Variants in PRKCB observed in about 807,000 individuals in gnomAD.
PRKCB encodes protein kinase C beta, also known as protein kinase C beta type.
Under a neutral mutation model 81.5 loss-of-function variants are expected in PRKCB, and 13 were observed. That is an observed-to-expected ratio of 0.16 (90% CI 0.10 to 0.25). The LOEUF (loss-of-function observed/expected upper bound fraction) is 0.25. Among genes scored for constraint, PRKCB ranks in the 10% least tolerant of loss-of-function variants. The pLI, the probability that PRKCB is intolerant of heterozygous loss-of-function variation, is 1.00. For synonymous variants in PRKCB, 335 were observed against 321.4 expected (o/e 1.04, Z -0.45); for missense variants, 509 against 875.7 (o/e 0.58, Z 5.29).
At chr16:23,985,509 A>G (rs1176349655) in intron 2 of PRKCB, among the ~76,000 whole-genome samples, 1 of 152,258 alleles carries the variant, frequency 6.6e-6, no homozygotes, top group African/African-American at 2.4e-5. Context: ...GAAAATGTGT[A>G]GGACTTATAT....
At chr16:24,129,654 C>T (rs1966850396) in intron 9 of PRKCB, among the ~76,000 whole-genome samples, 1 of 152,090 alleles carries the variant, frequency 6.6e-6, no homozygotes, top group South Asian at 2.1e-4. Flanking sequence ...TGTTTATCAT[C>T]TATCATCTAT....
intron 12 of PRKCB, 189 bp downstream of exon 12, chr16:24,174,769 G>A (rs1210563710): frequency 7.6e-6 from 4 of 522,900 alleles, no homozygotes; most frequent in Non-Finnish European, 1.4e-5. Context: ...GCTCTATATG[G>A]TGGTAGAAAA....
At chr16:24,145,675 GT>G (rs1202442736) in intron 9 of PRKCB, among the ~76,000 whole-genome samples, 5 of 152,232 alleles carry the variant, frequency 3.3e-5, no homozygotes, top group Non-Finnish European at 7.3e-5. Context: ...AAGTTGAGCA[GT>G]TGGGAAGCAA....
intron 2 of PRKCB, among the ~76,000 whole-genome samples, chr16:23,948,077 T>C (rs937919211): frequency 8.6e-5 from 13 of 152,018 alleles, no homozygotes; most frequent in Non-Finnish European, 1.2e-4. Flanking sequence ...AGACACTGTG[T>C]TTGATCTGTT....
At chr16:23,982,785 C>T (rs186838430) in intron 2 of PRKCB, among the ~76,000 whole-genome samples, 27 of 152,196 alleles carry the variant, frequency 1.8e-4, no homozygotes, top group Admixed American at 3.3e-4. Flanking sequence ...TGGATAGAGC[C>T]GGAGACATCT....
intron 10 of PRKCB, among the ~76,000 whole-genome samples, chr16:24,169,374 G>A (rs1967402661): frequency 1.3e-5 from 2 of 152,064 alleles, no homozygotes; most frequent in African/African-American, 2.4e-5. Flanking sequence ...GTCACATTTC[G>A]CATTAGTCCA....
At chr16:24,155,031 G>A (rs549019167) in intron 10 of PRKCB, among the ~76,000 whole-genome samples, 174 bp downstream of exon 10, 17 of 152,366 alleles carry the variant, frequency 1.1e-4, no homozygotes, top group Non-Finnish European at 2.1e-4. Context: ...ACTGAGAAAC[G>A]CTCTCCCCTG....
intron 9 of PRKCB, among the ~76,000 whole-genome samples, chr16:24,125,746 G>A (rs1966842760): frequency 6.6e-6 from 1 of 152,180 alleles, no homozygotes; most frequent in East Asian, 1.9e-4. Flanking sequence ...TGCCCAGATT[G>A]AATGCGTGGA....
chr16:23,990,331 G>A (rs144605989), intron 3 of PRKCB, among the ~76,000 whole-genome samples: 13 of 152,044 alleles, frequency 8.6e-5, no homozygotes, highest in East Asian at 5.8e-4. Flanking sequence ...GGTGGTGGGC[G>A]CCTGTAGTCC....
rs991952336 is a variant in PRKCB, at chr16:24,138,845, CTTTTTT to C, written c.1065+14884_1065+14889del. Among the ~76,000 whole-genome samples the C allele has an allele frequency of 6.3e-5, 5 of 78,848 alleles. No homozygotes were observed. The Admixed American group carries it at 7.1e-4, about 11-fold the overall frequency. The allele number at this position is 78,848 out of a possible 152,430, so 51.7% of individuals were successfully genotyped here. On this transcript the variant is annotated intron_variant, in intron 9 of 16. Transcript: ENST00000643927. ...ATATGTGAGATCATACAGTATTTGT[CTTTTTT>C]TTTTTTTTTTTTTTTTTTTGAGACA...
Position 23,837,387 on chromosome 16 carries a change from G to T in PRKCB, c.186G>T (p.Lys62Asn). 1 of 1,613,306 alleles carries T rather than the reference G, an allele frequency of 6.2e-7. No homozygotes were observed. The highest frequency in any genetic ancestry group is 8.5e-7 in the Non-Finnish European group (1 of 1,179,636). The change falls in exon 2 of 17, where the codon AAG becomes AAT. Residue 62 changes from lysine to asparagine, a missense_variant. Physicochemically the swap from Lys to Asn is moderately conservative, Grantham distance 94. Around this residue, in one of 6 missense-constraint regions of PRKCB, gnomAD observed 184 missense variants for 362.9 expected, o/e 0.51. Transcript: ENST00000643927. The part of the protein sequence containing the change: ...HCTDFIWGFG[K>N]QGFQCQVCCF... ...TCTGCTTTTGCAGGGGCTTCGGGAA[G>T]CAGGGATTCCAGTGCCAAGGTAGGC...
At chr16:24,160,335 A>T (rs1967234785) in intron 10 of PRKCB, among the ~76,000 whole-genome samples, 1 of 152,100 alleles carries the variant, frequency 6.6e-6, no homozygotes, top group Non-Finnish European at 1.5e-5. Context: ...AGCCATTGTT[A>T]TCATGACTAA....
At chr16:24,115,507 TAGCATTTATCCCAAG>T (rs999657406) in intron 8 of PRKCB, among the ~76,000 whole-genome samples, 13 of 152,116 alleles carry the variant, frequency 8.5e-5, no homozygotes, top group African/African-American at 2.7e-4. Flanking sequence ...CCAAGGATTT[TAGCATTTATCCCAAG>T]AGCATTTATC....
intron 2 of PRKCB, among the ~76,000 whole-genome samples, chr16:23,921,908 G>A (rs1472440108): frequency 6.6e-6 from 1 of 152,208 alleles, no homozygotes; most frequent in Non-Finnish European, 1.5e-5. Context: ...CTCACAAGAA[G>A]AAGGCATTTG....
At chr16:24,097,230 G>A (rs965983038) in intron 7 of PRKCB, among the ~76,000 whole-genome samples, 1 of 151,972 alleles carries the variant, frequency 6.6e-6, no homozygotes, top group Non-Finnish European at 1.5e-5. Context: ...TAGAGATGGG[G>A]TTTCACCATG....
chr16:24,070,240 CT>C (rs1249056663), intron 5 of PRKCB, among the ~76,000 whole-genome samples: 1 of 151,798 alleles, frequency 6.6e-6, no homozygotes, highest in Non-Finnish European at 1.5e-5. Flanking sequence ...CCTCTGCCTC[CT>C]GGGTTCAAGC....
intron 3 of PRKCB, among the ~76,000 whole-genome samples, chr16:23,990,232 G>A (rs901709583): frequency 3.9e-5 from 6 of 152,194 alleles, no homozygotes; most frequent in African/African-American, 1.4e-4. Flanking sequence ...GCTGAGGCGG[G>A]CAGATCACAA....
chr16:23,907,767 C>T (rs78322646), intron 2 of PRKCB, among the ~76,000 whole-genome samples: 4,555 of 152,218 alleles, frequency 0.03, 109 homozygotes, highest in Non-Finnish European at 0.044. Context: ...CCGGGAGGAA[C>T]AGAGGTTCCC....
intron 2 of PRKCB, among the ~76,000 whole-genome samples, chr16:23,930,242 G>A (rs1165106739): frequency 1.3e-5 from 2 of 152,110 alleles, no homozygotes; most frequent in African/African-American, 4.8e-5. Flanking sequence ...GGATGGGCAG[G>A]TGCACAAGGT....
Sources: gnomAD v4.1 joint callset for allele counts (sites outside exome capture counted in the v4.1 genomes callset) on GRCh38, gnomAD v4.1.1 for gene constraint, gnomAD v4.1.1 regional missense constraint, MANE v1.5 for transcripts, NCBI Gene and HGNC (gene_info 2026-07-23, HGNC 2026-07-21) for gene names.